Variants in STPG2 observed in about 807,000 individuals in gnomAD.
STPG2 encodes sperm tail PG-rich repeat containing 2.
STPG2 carries 56 observed loss-of-function variants against 54.2 expected under a neutral mutation model. That is an observed-to-expected ratio of 1.03 (90% CI 0.83 to 1.29). The LOEUF (loss-of-function observed/expected upper bound fraction) is 1.29, where lower values mean the gene tolerates loss of function less well. Among genes scored for constraint, STPG2 ranks in the 50% most tolerant of loss-of-function variants. The probability of loss-of-function intolerance (pLI) is 0.00; values close to 1 mark genes in which losing one functional copy is unlikely to be tolerated. For synonymous variants in STPG2, 200 were observed against 181.8 expected (o/e 1.10, Z -0.81); for missense variants, 596 against 544.9 (o/e 1.09, Z -0.93).
intron 10 of STPG2, among the ~76,000 whole-genome samples, chr4:97,631,946 A>T (rs1171880833): frequency 6.6e-6 from 1 of 152,102 alleles, no homozygotes; most frequent in Non-Finnish European, 1.5e-5. Flanking sequence ...AACAGTTAGA[A>T]AAAGCTTATC....
intron 8 of STPG2, among the ~76,000 whole-genome samples, chr4:97,857,947 A>C (rs1417943653): frequency 1.3e-5 from 2 of 152,004 alleles, no homozygotes; most frequent in Non-Finnish European, 2.9e-5. Flanking sequence ...GATCAAGCAG[A>C]AGGAAAAATT....
chr4:98,127,265 T>C (rs1199424520), intron 3 of STPG2, among the ~76,000 whole-genome samples: 2 of 152,178 alleles, frequency 1.3e-5, no homozygotes, highest in Non-Finnish European at 2.9e-5. Flanking sequence ...GTGTGATGGG[T>C]ACATAGGTAT....
chr4:97,850,792 A>G (rs1187516525), intron 8 of STPG2, among the ~76,000 whole-genome samples: 2 of 152,172 alleles, frequency 1.3e-5, no homozygotes, highest in African/African-American at 2.4e-5. Context: ...GGGAACCCCA[A>G]AAAAGTAGTT....
chr4:97,801,530 T>C (rs1727398741), intron 9 of STPG2, among the ~76,000 whole-genome samples: 1 of 152,214 alleles, frequency 6.6e-6, no homozygotes, highest in African/African-American at 2.4e-5. Flanking sequence ...ATAGAAGCTA[T>C]GGTGAGTATG....
chr4:98,019,430 T>C lies in STPG2; in HGVS notation c.613-38112A>G, dbSNP rs530408534. Among the ~76,000 whole-genome samples the C allele has an allele frequency of 4.6e-5, 7 of 152,112 alleles. No homozygotes were observed. The South Asian group carries it at 8.3e-4, about 18-fold the overall frequency. ...TTTTGGTTACTGTAACCTTGTAGTATAGTTTGAAGTCAGGTAGCATGATGC... is the reference window on the plus strand; with the variant it reads ...TTTTGGTTACTGTAACCTTGTAGTACAGTTTGAAGTCAGGTAGCATGATGC... On this transcript the variant is annotated intron_variant, in intron 5 of 10. Transcript: ENST00000295268.
intron 10 of STPG2, among the ~76,000 whole-genome samples, chr4:97,563,078 C>T (rs901982459): frequency 6.6e-6 from 1 of 152,058 alleles, no homozygotes; most frequent in Non-Finnish European, 1.5e-5. Context: ...GTCCTGGACT[C>T]TTTTTGTTTG....
At chr4:97,799,161 T>C (rs1343292732) in intron 9 of STPG2, among the ~76,000 whole-genome samples, 1 of 146,218 alleles carries the variant, frequency 6.8e-6, no homozygotes, top group African/African-American at 2.6e-5. Context: ...TGTCTTTTAA[T>C]TGGAGCATTT....
intron 4 of STPG2, among the ~76,000 whole-genome samples, chr4:97,492,366 A>G (rs1730520578): frequency 6.6e-6 from 1 of 151,536 alleles, no homozygotes; most frequent in Admixed American, 6.6e-5. Context: ...CTTTTTTGAA[A>G]TATAAACATC....
intron 9 of STPG2, among the ~76,000 whole-genome samples, chr4:97,795,043 TC>T (rs1346758491): frequency 6.6e-6 from 1 of 152,214 alleles, no homozygotes; most frequent in Non-Finnish European, 1.5e-5. Flanking sequence ...AGTTTTTGTA[TC>T]TCACCCTATT....
At chr4:97,713,315 C>G (rs1724191054) in intron 9 of STPG2, among the ~76,000 whole-genome samples, 1 of 152,152 alleles carries the variant, frequency 6.6e-6, no homozygotes. Flanking sequence ...AGGCCTAATC[C>G]TAAATAAGGA....
chr4:98,029,188 G>C (rs1736519153), intron 5 of STPG2, among the ~76,000 whole-genome samples: 1 of 152,104 alleles, frequency 6.6e-6, no homozygotes, highest in African/African-American at 2.4e-5. Context: ...TGTTCTATAA[G>C]TGCTTATTAG....
Position 97,908,721 on chromosome 4 carries a change from T to C in STPG2, c.1044+35176A>G, listed in dbSNP as rs867534123. The stretch of plus-strand genomic sequence containing the variant: ...TGAGTACATGTCCTTTGTAGGGACA[T>C]GGATGAAATTGGAAATCATCATTCT... On this transcript the variant is annotated intron_variant, in intron 8 of 10. Transcript: ENST00000295268. 3.7e-3 allele frequency among the ~76,000 whole-genome samples: 565 copies of C among 151,710 alleles called. 1 individual carries two copies. The highest frequency in any genetic ancestry group is 0.013 in the African/African-American group (535 of 41,356).
chr4:98,086,320 A>T (rs1253924111), intron 5 of STPG2, among the ~76,000 whole-genome samples: 4 of 152,138 alleles, frequency 2.6e-5, no homozygotes, highest in Non-Finnish European at 5.9e-5. Context: ...GCAGAACTCA[A>T]ACCAAAATCT....
chr4:97,651,282 A>T (rs79279830), intron 10 of STPG2, among the ~76,000 whole-genome samples: 2,269 of 152,204 alleles, frequency 0.015, 55 homozygotes, highest in African/African-American at 0.052. Context: ...TTTGAAAAAA[A>T]AAATTCTAAA....
intron 4 of STPG2, among the ~76,000 whole-genome samples, chr4:97,514,709 C>T (rs1731039370): frequency 6.6e-6 from 1 of 151,862 alleles, no homozygotes; most frequent in Admixed American, 6.6e-5. Context: ...AATCACAGTT[C>T]TTTGTGCCAG....
intron 5 of STPG2, among the ~76,000 whole-genome samples, chr4:98,036,529 CAT>C (rs1248729871): frequency 6.6e-6 from 1 of 151,800 alleles, no homozygotes; most frequent in Non-Finnish European, 1.5e-5. Context: ...AGCAGGAGGT[CAT>C]TATTCTCAGC....
chr4:98,017,668 A>T (rs1228240685), intron 5 of STPG2, among the ~76,000 whole-genome samples: 1 of 152,156 alleles, frequency 6.6e-6, no homozygotes, highest in Non-Finnish European at 1.5e-5. Context: ...TGGTTGTTTC[A>T]ACTGATGTTT....
chr4:97,855,871 A>C (rs1204185429), intron 8 of STPG2, among the ~76,000 whole-genome samples: 1 of 152,054 alleles, frequency 6.6e-6, no homozygotes, highest in African/African-American at 2.4e-5. Flanking sequence ...TCCTGTTTCA[A>C]TTTGCAGCAT....
chr4:97,548,460 A>G (rs1360656213), intron 4 of STPG2, among the ~76,000 whole-genome samples: 1 of 152,192 alleles, frequency 6.6e-6, no homozygotes, highest in African/African-American at 2.4e-5. Flanking sequence ...TCCATCAGTC[A>G]GTTATTTAGT....
Sources: allele counts gnomAD v4.1 joint callset (sites outside exome capture counted in the v4.1 genomes callset), GRCh38; gene constraint gnomAD v4.1.1; transcripts MANE v1.5; gene names NCBI Gene and HGNC (gene_info 2026-07-23, HGNC 2026-07-21).